NALF1: variants seen among roughly 807,000 people sequenced by gnomAD.
NALF1 encodes family with sequence similarity 155 member A.
In NALF1, 3 loss-of-function variants were observed where a neutral mutation model predicts 48.4. That is an observed-to-expected ratio of 0.06 (90% CI 0.03 to 0.16). NALF1 has a LOEUF of 0.16. Among genes scored for constraint, NALF1 ranks in the 10% least tolerant of loss-of-function variants. The pLI, the probability that NALF1 is intolerant of heterozygous loss-of-function variation, is 1.00. For synonymous variants in NALF1, 262 were observed against 245.7 expected (o/e 1.07, Z -0.62); for missense variants, 526 against 571.5 (o/e 0.92, Z 0.81).
intron 1 of NALF1, among the ~76,000 whole-genome samples, chr13:107,754,487 A>G (rs960556517): frequency 3.9e-5 from 6 of 152,058 alleles, no homozygotes; most frequent in African/African-American, 1.2e-4. Context: ...ATCGATCTCA[A>G]TGGAAGGAAT....
intron 1 of NALF1, among the ~76,000 whole-genome samples, chr13:107,638,944 A>T (rs1880068575): frequency 6.6e-6 from 1 of 152,156 alleles, no homozygotes; most frequent in South Asian, 2.1e-4. Context: ...AGAGACACTG[A>T]TGGCTGACGT....
At chr13:107,224,945 C>T (rs1307546785) in intron 1 of NALF1, among the ~76,000 whole-genome samples, 1 of 152,112 alleles carries the variant, frequency 6.6e-6, no homozygotes, top group Non-Finnish European at 1.5e-5. Context: ...ACAAAGCAAG[C>T]ACATCAATTT....
chr13:107,769,790 G>A (rs942587026), intron 1 of NALF1, among the ~76,000 whole-genome samples: 2 of 152,096 alleles, frequency 1.3e-5, no homozygotes, highest in African/African-American at 4.8e-5. Context: ...ATCACCAGCT[G>A]TGGAAAGTTT....
At chr13:107,347,778 A>G (rs965460576) in intron 1 of NALF1, among the ~76,000 whole-genome samples, 3 of 152,258 alleles carry the variant, frequency 2.0e-5, no homozygotes, top group Non-Finnish European at 4.4e-5. Flanking sequence ...TGCTAATAAC[A>G]ATGTGTAAAC....
At chr13:107,326,416 T>C (rs561917202) in intron 1 of NALF1, among the ~76,000 whole-genome samples, 42 of 152,252 alleles carry the variant, frequency 2.8e-4, no homozygotes, top group African/African-American at 8.9e-4. Context: ...TTATTAACGA[T>C]TGACCTTTCC....
chr13:107,715,443 C>A (rs1396093014), intron 1 of NALF1, among the ~76,000 whole-genome samples: 1 of 152,178 alleles, frequency 6.6e-6, no homozygotes, highest in African/African-American at 2.4e-5. Context: ...CTCAGGTGAT[C>A]TGCCCACCTC....
At chr13:107,295,500 C>T (rs1229968398) in intron 1 of NALF1, among the ~76,000 whole-genome samples, 7 of 152,144 alleles carry the variant, frequency 4.6e-5, no homozygotes. Flanking sequence ...CTCTCAGGTG[C>T]CTCCCCCTGC....
chr13:107,205,269 C>G (rs1879613517), intron 2 of NALF1, among the ~76,000 whole-genome samples: 1 of 151,248 alleles, frequency 6.6e-6, no homozygotes, highest in African/African-American at 2.4e-5. Flanking sequence ...AAAAATCTTT[C>G]TCAACTCACT....
chr13:107,469,272 T>G (rs1285903398), intron 1 of NALF1, among the ~76,000 whole-genome samples: 1 of 152,178 alleles, frequency 6.6e-6, no homozygotes, highest in African/African-American at 2.4e-5. Flanking sequence ...GAGAGAGAAA[T>G]CAAAGATTTT....
At chr13:107,515,864 C>T (rs1286862915) in intron 1 of NALF1, among the ~76,000 whole-genome samples, 3 of 152,060 alleles carry the variant, frequency 2.0e-5, no homozygotes, top group Non-Finnish European at 4.4e-5. Context: ...AGGATGGAAA[C>T]GTAGGTAGCT....
intron 1 of NALF1, among the ~76,000 whole-genome samples, chr13:107,558,061 C>T (rs1877532744): frequency 6.6e-6 from 1 of 151,736 alleles, no homozygotes; most frequent in South Asian, 2.1e-4. Flanking sequence ...AGCTGCGTCC[C>T]TGTTGTCTAC....
At chr13:107,809,278 A>T (rs765309092) in intron 1 of NALF1, among the ~76,000 whole-genome samples, 8 of 152,026 alleles carry the variant, frequency 5.3e-5, no homozygotes, top group Non-Finnish European at 1.2e-4. Context: ...AGGCTGTTTT[A>T]ACCATCTGTC....
intron 1 of NALF1, among the ~76,000 whole-genome samples, chr13:107,808,050 G>C (rs1207046976): frequency 6.6e-6 from 1 of 152,088 alleles, no homozygotes; most frequent in Admixed American, 6.6e-5. Flanking sequence ...AGAAAAATGA[G>C]GAGGGTTACA....
rs944828617 is a variant in NALF1 at position 107,165,888 on chromosome 13, G to A, written c.*4609C>T. ...TGTTTCCCTTGTCAAAGTAGATATGGTTTTTAAATGACCATGCTGCTCTAA... is the reference window on the plus strand; with the variant it reads ...TGTTTCCCTTGTCAAAGTAGATATGATTTTTAAATGACCATGCTGCTCTAA... On this transcript the variant is annotated 3_prime_UTR_variant, in exon 3 of 3. Transcript: ENST00000375915. The A allele has an allele frequency of 6.6e-6, 1 of 152,020 alleles. No individual in the cohort carries two copies. Among genetic ancestry groups the A allele is most frequent in the African/African-American group, 2.4e-5 (1 of 41,368 alleles). 9.4% of individuals were successfully genotyped at this position (152,020 alleles called of 1,614,324 possible). A position where few individuals can be genotyped will look rare whatever the true frequency, so the allele number is the denominator to read the frequency against.
intron 1 of NALF1, among the ~76,000 whole-genome samples, chr13:107,809,805 T>C (rs1418504709): frequency 6.6e-6 from 1 of 152,138 alleles, no homozygotes; most frequent in African/African-American, 2.4e-5. Flanking sequence ...TCCATACTCA[T>C]GGAAACGTCC....
At chr13:107,624,716 C>T (rs1325089465) in intron 1 of NALF1, among the ~76,000 whole-genome samples, 1 of 152,218 alleles carries the variant, frequency 6.6e-6, no homozygotes, top group African/African-American at 2.4e-5. Context: ...TTATCCATAG[C>T]AACGGCCTTT....
chr13:107,276,001 C>T (rs1208011742), intron 1 of NALF1, among the ~76,000 whole-genome samples: 1 of 152,132 alleles, frequency 6.6e-6, no homozygotes, highest in African/African-American at 2.4e-5. Context: ...TTTGTTCTAC[C>T]ACGTTGGCCT....
At chr13:107,422,476 A>T (rs1884205465) in intron 1 of NALF1, among the ~76,000 whole-genome samples, 1 of 151,194 alleles carries the variant, frequency 6.6e-6, no homozygotes, top group Non-Finnish European at 1.5e-5. Flanking sequence ...CATAACAGTC[A>T]TCATCATCAT....
chr13:107,563,955 C>T lies in NALF1; in HGVS notation c.915+301727G>A, dbSNP rs540198279. ...AAGTTGTTTACAAATAATTTATAGC[C>T]TTATAAAAGTACCTTTACAAGGATC... On this transcript the variant is annotated intron_variant, in intron 1 of 2. Transcript: ENST00000375915. 2.2e-4 allele frequency among the ~76,000 whole-genome samples: 34 copies of T among 152,292 alleles called. No homozygotes were observed. The South Asian group carries it at 6.8e-3, about 31-fold the overall frequency.
Sources: gnomAD v4.1 joint callset for allele counts (sites outside exome capture counted in the v4.1 genomes callset) on GRCh38, gnomAD v4.1.1 for gene constraint, MANE v1.5 for transcripts, NCBI Gene and HGNC (gene_info 2026-07-23, HGNC 2026-07-21) for gene names.